ARHGAP29: variants seen among roughly 807,000 people sequenced by gnomAD.
The protein encoded by ARHGAP29 is rho GTPase-activating protein 29.
In ARHGAP29, 43 loss-of-function variants were observed where a neutral mutation model predicts 122.6. That is an observed-to-expected ratio of 0.35 (90% confidence interval 0.27 to 0.45). The LOEUF is 0.45. Among genes scored for constraint, ARHGAP29 ranks in the 20% least tolerant of loss-of-function variants. The probability of loss-of-function intolerance (pLI) is 1.00; values close to 1 mark genes in which losing one functional copy is unlikely to be tolerated. For synonymous variants in ARHGAP29, 506 were observed against 497.1 expected (o/e 1.02, Z -0.24); for missense variants, 1,303 against 1,477.2 (o/e 0.88, Z 1.93).
chr1:94,184,314 G>A (rs762408417), intron 18 of ARHGAP29, 26 bp from the exon 19 acceptor site: 1 of 1,572,880 alleles, frequency 6.4e-7, no homozygotes, highest in Non-Finnish European at 8.6e-7. Context: ...AAAAAATTTT[G>A]CAAAATTCTT....
At position 94,203,168 on chromosome 1, in the gene ARHGAP29, T is replaced by C. The variant is rs773884869; in HGVS notation, c.805A>G (p.Asn269Asp). The C allele has an allele frequency of 2.1e-5, 34 of 1,612,966 alleles. No individual in the cohort carries two copies. Among genetic ancestry groups the C allele is most frequent in the South Asian group, 1.2e-4 (11 of 90,700 alleles). ...AAAAGGTGACTGCTTTCTATATCAT[T>C]AAGAAGAGCATTAGTAAACAGAGAC... ...LQSLFTNALLNDIESSHLLQQ... is the reference protein window; with the variant it reads ...LQSLFTNALLDDIESSHLLQQ... Residue 269 changes from asparagine (N) to aspartate (D), a missense_variant, in exon 9 of 23, where the codon AAT (asparagine) becomes GAT (aspartate). This residue lies in a region of ARHGAP29 where 592 missense variants were observed against 648.2 expected (regional missense o/e 0.91). Transcript: ENST00000260526.
chr1:94,266,709 T>C (rs565085816), intron 1 of ARHGAP29, among the ~76,000 whole-genome samples: 2 of 152,190 alleles, frequency 1.3e-5, no homozygotes, highest in Non-Finnish European at 2.9e-5. Context: ...CTTATTAAAT[T>C]CATGGTAACT....
upstream of ARHGAP29, chr1:94,237,687 G>A: frequency 1.0e-6 from 1 of 985,522 alleles, no homozygotes; most frequent in Non-Finnish European, 1.2e-6. Context: ...CGGGGGCGGG[G>A]CCGGCGACCG....
the ARHGAP29 span, among the ~76,000 whole-genome samples, chr1:94,306,136 CA>C: frequency 6.6e-6 from 1 of 152,234 alleles, no homozygotes; most frequent in East Asian, 1.9e-4. Flanking sequence ...TGCTTCCCTG[CA>C]GTAGTCGGGC....
chr1:94,192,767 C>G (rs963091980), intron 12 of ARHGAP29: 6 of 151,768 alleles, frequency 4.0e-5, no homozygotes, highest in East Asian at 1.9e-4. Flanking sequence ...AAGGGAGTCA[C>G]GCAGAAGCTG....
At chr1:94,313,253 C>T in the ARHGAP29 span, among the ~76,000 whole-genome samples, 830 of 152,334 alleles carry the variant, frequency 5.4e-3, 10 homozygotes, top group African/African-American at 0.019. Context: ...AGTTATCCAT[C>T]CACATGGCTT....
At chr1:94,302,586 C>T in the ARHGAP29 span, 1 of 370,334 alleles carries the variant, frequency 2.7e-6, no homozygotes, top group Non-Finnish European at 5.3e-6. Flanking sequence ...TCTCATGGCC[C>T]CTCTGGGAAA....
chr1:94,306,948 A>G, the ARHGAP29 span, among the ~76,000 whole-genome samples: 2 of 152,232 alleles, frequency 1.3e-5, no homozygotes, highest in African/African-American at 4.8e-5. Context: ...TCCACAAGTT[A>G]ACACTTCCAT....
upstream of ARHGAP29, among the ~76,000 whole-genome samples, chr1:94,277,657 A>G (rs1389175661): frequency 6.6e-6 from 1 of 152,200 alleles, no homozygotes; most frequent in Non-Finnish European, 1.5e-5. Context: ...GGACCATTCT[A>G]TTTTAGCATA....
intron 1 of ARHGAP29, among the ~76,000 whole-genome samples, chr1:94,261,150 A>T (rs1166116547): frequency 6.6e-6 from 1 of 152,174 alleles, no homozygotes; most frequent in Non-Finnish European, 1.5e-5. Flanking sequence ...CTCCTCTTAG[A>T]CATCAACACT....
rs1478862521 is a variant in ARHGAP29, at chr1:94,184,961, T to C, written c.2020A>G (p.Thr674Ala). ...TCTGGTTCCTTTTTTGCAACTTGTG[T>C]GAATTCTGCTCCAAATAAGTGTATT... ...GKIHLFGAEF[T>A]QVAKKEPDGI... The change falls in exon 18 of 23, where the codon ACA becomes GCA. Residue 674 changes from threonine to alanine, a missense_variant. By Grantham distance (58) the Thr-to-Ala change is moderately conservative. This residue lies in a region of ARHGAP29 where 91 missense variants were observed against 177.8 expected (regional missense o/e 0.51). Transcript: ENST00000260526. The C allele has an allele frequency of 6.2e-7, 1 of 1,613,734 alleles. No individual in the cohort carries two copies.
chr1:94,257,350 C>T (rs539883077), intron 1 of ARHGAP29, among the ~76,000 whole-genome samples: 3 of 151,704 alleles, frequency 2.0e-5, no homozygotes, highest in East Asian at 3.9e-4. Flanking sequence ...TGCAGTGAGC[C>T]GAGATCAGGC....
chr1:94,203,119 T>C lies in ARHGAP29; in HGVS notation c.854A>G (p.Gln285Arg). ...CTTTACCTGCACAAATTTGTTAGCC[T>C]GGAGAGCTGCAATTGTTTGTTGTAA... is the stretch of plus-strand genomic sequence containing the variant. Reference protein sequence around the residue: ...HLLQQTIAALQANKFVQPLLG... With the variant: ...HLLQQTIAALRANKFVQPLLG... The change falls in exon 9 of 23, where the codon CAG becomes CGG. Residue 285 changes from glutamine to arginine, a missense_variant. Physicochemically the swap from Gln to Arg is conservative, Grantham distance 43. Around this residue, in one of 3 missense-constraint regions of ARHGAP29, gnomAD observed 592 missense variants for 648.2 expected, o/e 0.91. Coordinates refer to ENST00000260526, the MANE Select transcript of ARHGAP29 (RefSeq NM_004815.4). 1 of 1,612,940 alleles carries C rather than the reference T, an allele frequency of 6.2e-7. No individual in the cohort carries two copies. Among genetic ancestry groups the C allele is most frequent in the Non-Finnish European group, 8.5e-7 (1 of 1,179,472 alleles).
chr1:94,203,071 G>A, intron 9 of ARHGAP29, 29 bp downstream of exon 9: 1 of 1,596,258 alleles, frequency 6.3e-7, no homozygotes, highest in East Asian at 2.2e-5. Flanking sequence ...AAAAATAAAA[G>A]TGCATTATAC....
chr1:94,204,056 T>G, intron 7 of ARHGAP29, 62 bp from the exon 8 acceptor site: 1 of 1,309,218 alleles, frequency 7.6e-7, no homozygotes, highest in Non-Finnish European at 1.1e-6. Flanking sequence ...CTGTATACTC[T>G]AAAATTACTT....
intron 19 of ARHGAP29, among the ~76,000 whole-genome samples, chr1:94,181,509 G>A (rs1649457965): frequency 1.3e-5 from 2 of 152,018 alleles, no homozygotes; most frequent in Non-Finnish European, 2.9e-5. Flanking sequence ...TACAGGACTG[G>A]TACCACACTC....
chr1:94,314,070 CAT>C, the ARHGAP29 span, among the ~76,000 whole-genome samples: 18 of 152,276 alleles, frequency 1.2e-4, no homozygotes, highest in South Asian at 3.1e-3. Flanking sequence ...CACATGTATA[CAT>C]ATGTAATAAA....
chr1:94,312,420 T>C, the ARHGAP29 span, among the ~76,000 whole-genome samples: 4 of 143,790 alleles, frequency 2.8e-5, no homozygotes, highest in East Asian at 2.0e-4. Context: ...TGAACAGAGA[T>C]GTCCCCCCTC....
intron 12 of ARHGAP29, among the ~76,000 whole-genome samples, chr1:94,198,924 T>C (rs1025479045): frequency 5.3e-5 from 8 of 152,238 alleles, no homozygotes; most frequent in Non-Finnish European, 8.8e-5. Context: ...ACCCACACTG[T>C]GTACCTGATT....
Sources: gnomAD v4.1 joint callset for allele counts (sites outside exome capture counted in the v4.1 genomes callset) on GRCh38, gnomAD v4.1.1 for gene constraint, gnomAD v4.1.1 regional missense constraint, MANE v1.5 for transcripts, NCBI Gene and HGNC (gene_info 2026-07-23, HGNC 2026-07-21) for gene names.